KNTC1: variants seen among roughly 807,000 people sequenced by gnomAD.
The protein encoded by KNTC1 is kinetochore-associated protein 1.
In KNTC1, 253 loss-of-function variants were observed where a neutral mutation model predicts 314.4. That is an observed-to-expected ratio of 0.80 (90% CI 0.73 to 0.89). The LOEUF (loss-of-function observed/expected upper bound fraction) is 0.89. KNTC1 is among the 40% of genes least tolerant of loss of function. KNTC1 has a pLI of 0.00. For synonymous variants in KNTC1, 901 were observed against 901.4 expected (o/e 1.00, Z 0.01); for missense variants, 2,475 against 2,572.9 (o/e 0.96, Z 0.82).
At chr12:122,554,238 A>G (rs1301392242) in intron 16 of KNTC1, among the ~76,000 whole-genome samples, 1 of 150,548 alleles carries the variant, frequency 6.6e-6, no homozygotes, top group Admixed American at 6.6e-5. Flanking sequence ...GCCGAAAAAT[A>G]TATATTTATT....
Position 122,570,896 on chromosome 12 carries a change from G to A in KNTC1, c.1881G>A (p.Leu627=). The change falls in exon 23 of 64, where the codon TTG becomes TTA. Residue 627 remains leucine (L), a synonymous_variant. Coordinates refer to ENST00000333479, the MANE Select transcript of KNTC1 (RefSeq NM_014708.6). ...TTCAGATAATTCTTGCAAAATGGTT[G>A]GAACAAGCAGCCAGGAACCTTGAAT... ...PEGQIILAKW[L]EQAARNLELT... is the part of the protein sequence containing the mutation. The A allele has an allele frequency of 6.4e-7, 1 of 1,554,026 alleles. No homozygotes were observed. Among genetic ancestry groups the A allele is most frequent in the Non-Finnish European group, 8.7e-7 (1 of 1,145,762 alleles).
At chr12:122,574,208 A>T in intron 26 of KNTC1, 74 bp from the exon 27 acceptor site, 1 of 784,252 alleles carries the variant, frequency 1.3e-6, no homozygotes, top group Non-Finnish European at 2.1e-6. Flanking sequence ...TAATATCTGT[A>T]TCTAGCTGTA....
chr12:122,617,634 G>A (rs1458523818), intron 57 of KNTC1: 1 of 192,640 alleles, frequency 5.2e-6, no homozygotes, highest in African/African-American at 2.4e-5. Context: ...TCTGAGTTGG[G>A]TTCTGACTTT....
chr12:122,590,615 T>C lies in KNTC1; in HGVS notation c.4008T>C (p.Asn1336=), dbSNP rs545043958. ...CTGGTTTCTTCCTGTAGGTATTTAATTGTCGCTTGGTAGATCTTGACCTGG... is the reference window on the plus strand; with the variant it reads ...CTGGTTTCTTCCTGTAGGTATTTAACTGTCGCTTGGTAGATCTTGACCTGG... ...NATTLLHKVF[N]CRLVDLDLAL... The change falls in exon 41 of 64, where the codon AAT becomes AAC. Residue 1336 remains asparagine (N), a synonymous_variant. Coordinates refer to ENST00000333479, the MANE Select transcript of KNTC1 (RefSeq NM_014708.6). The C allele has an allele frequency of 1.2e-6, 2 of 1,611,828 alleles. No individual in the cohort carries two copies. Among genetic ancestry groups the C allele is most frequent in the South Asian group, 2.2e-5 (2 of 90,574 alleles).
chr12:122,582,919 T>C lies in KNTC1; in HGVS notation c.3197T>C (p.Leu1066Pro). ...ALALQMSKQE[L>P]EAELTLRALK... ...GCCCTGCAGATGTCCAAACAAGAGC[T>C]GGAGGCAGAGCTGACCTTGAGAGCC... The change falls in exon 34 of 64, where the codon CTG (leucine) becomes CCG (proline). Residue 1066 changes from leucine to proline, a missense_variant. By Grantham distance (98) the Leu-to-Pro change is moderately conservative. Transcript: ENST00000333479. 1 of 1,613,618 alleles carries C rather than the reference T, an allele frequency of 6.2e-7. No individual in the cohort carries two copies. The highest frequency in any genetic ancestry group is 8.5e-7 in the Non-Finnish European group (1 of 1,179,782).
intron 20 of KNTC1, among the ~76,000 whole-genome samples, chr12:122,566,703 C>A (rs1022670556): frequency 6.6e-6 from 1 of 151,562 alleles, no homozygotes; most frequent in Admixed American, 6.6e-5. Flanking sequence ...GCCACTGCAC[C>A]CAGCCAACTT....
chr12:122,550,901 T>A (rs1450275536), intron 13 of KNTC1, among the ~76,000 whole-genome samples: 1 of 152,224 alleles, frequency 6.6e-6, no homozygotes, highest in Non-Finnish European at 1.5e-5. Flanking sequence ...TCATCATGAT[T>A]AGATTCATGT....
chr12:122,586,544 T>C (rs1397700310), intron 37 of KNTC1, among the ~76,000 whole-genome samples, 157 bp from the exon 38 acceptor site: 1 of 152,188 alleles, frequency 6.6e-6, no homozygotes, highest in Non-Finnish European at 1.5e-5. Flanking sequence ...TGTGAGAGTA[T>C]GTGCTGTGTG....
intron 3 of KNTC1, among the ~76,000 whole-genome samples, chr12:122,536,231 AT>A (rs1245443623): frequency 1.9e-3 from 261 of 137,624 alleles, no homozygotes; most frequent in Middle Eastern, 4.2e-3. Flanking sequence ...TTGAGTAGAA[AT>A]TTTTTTTTTT....
chr12:122,607,989 AT>A (rs1407039010), intron 51 of KNTC1, among the ~76,000 whole-genome samples: 1 of 152,208 alleles, frequency 6.6e-6, no homozygotes, highest in African/African-American at 2.4e-5. Flanking sequence ...GATCTTCTGT[AT>A]CATTTCTTCT....
At chr12:122,534,297 A>G (rs1005665754) in intron 2 of KNTC1, among the ~76,000 whole-genome samples, 1 of 152,198 alleles carries the variant, frequency 6.6e-6, no homozygotes, top group Admixed American at 6.5e-5. Flanking sequence ...TCCAGTTCAC[A>G]GTTCACCACC....
At position 122,542,094 on chromosome 12, in the gene KNTC1, A is replaced by G. The variant is rs376431802; in HGVS notation, c.490A>G (p.Ile164Val). The change falls in exon 6 of 64, where the codon ATT (isoleucine) becomes GTT (valine). Residue 164 changes from isoleucine (I) to valine (V), a missense_variant. Coordinates refer to ENST00000333479, the MANE Select transcript of KNTC1 (RefSeq NM_014708.6). ...LLLTYSGFFC[I>V]TNLQLLKIQQ... ...TCTTACATACAGTGGATTTTTTTGT[A>G]TTACAAACCTTCAGCTTTTAAAAAT... The G allele has an allele frequency of 1.3e-6, 2 of 1,535,372 alleles. No individual in the cohort carries two copies. The highest frequency in any genetic ancestry group is 1.8e-6 in the Non-Finnish European group (2 of 1,125,522).
chr12:122,549,564 C>T (rs1963045404), intron 12 of KNTC1, among the ~76,000 whole-genome samples: 1 of 152,068 alleles, frequency 6.6e-6, no homozygotes, highest in African/African-American at 2.4e-5. Context: ...CAGGGTTTCA[C>T]TGTGTTGCCC....
chr12:122,533,430 C>T (rs1185108242), intron 2 of KNTC1, among the ~76,000 whole-genome samples: 1 of 152,122 alleles, frequency 6.6e-6, no homozygotes, highest in East Asian at 1.9e-4. Context: ...CGCAGTGCCT[C>T]ACATTTGTAT....
At chr12:122,604,412 G>T (rs1332501362) in intron 48 of KNTC1, among the ~76,000 whole-genome samples, 152 bp from the exon 49 acceptor site, 1 of 152,050 alleles carries the variant, frequency 6.6e-6, no homozygotes, top group East Asian at 1.9e-4. Context: ...CTCCCAAAGT[G>T]CTGGGATTAC....
rs1431395427 is a variant in KNTC1, at chr12:122,619,092, C to T, written c.6149+547C>T. On this transcript the variant is annotated intron_variant, in intron 59 of 63. Transcript: ENST00000333479. ...TTTGTTTTTGAGACGGAGTCTTGCT[C>T]TGTCACCCAGGCTGGAGTGCAGTGG... Among the ~76,000 whole-genome samples the T allele has an allele frequency of 2.0e-5, 3 of 151,020 alleles. No individual in the cohort carries two copies. The East Asian group carries it at 5.9e-4, about 30-fold the overall frequency.
intron 18 of KNTC1, among the ~76,000 whole-genome samples, 179 bp downstream of exon 18, chr12:122,557,868 G>A (rs1488726451): frequency 6.6e-6 from 1 of 152,160 alleles, no homozygotes; most frequent in Admixed American, 6.5e-5. Flanking sequence ...CCTATTTAAA[G>A]TATACAGTTC....
chr12:122,615,735 C>T (rs11059000), intron 57 of KNTC1, among the ~76,000 whole-genome samples: 47,265 of 151,826 alleles, frequency 0.31, 8,830 homozygotes, highest in Admixed American at 0.39. Flanking sequence ...TGCAGTGAGC[C>T]GTGATTGCAC....
Position 122,605,435 on chromosome 12 carries a change from G to T in KNTC1, c.5496+20G>T. 7.7e-7 allele frequency: 1 copy of T among 1,297,368 alleles called. No homozygotes were observed. 80.4% of individuals were successfully genotyped at this position (1,297,368 alleles called of 1,614,324 possible). ...GGTGAAGTAAGTACTTGCTGCCCAA[G>T]AGTATCTGTAGTTGAGTATGCACTG... On this transcript the variant is annotated intron_variant, in intron 51 of 63. Transcript: ENST00000333479.
Sources: allele counts gnomAD v4.1 joint callset (sites outside exome capture counted in the v4.1 genomes callset), GRCh38; gene constraint gnomAD v4.1.1; transcripts MANE v1.5; gene names NCBI Gene and HGNC (gene_info 2026-07-23, HGNC 2026-07-21).